SIRT3: variants seen among roughly 807,000 people sequenced by gnomAD.
SIRT3 encodes sirtuin 3.
Under a neutral mutation model 33.5 loss-of-function variants are expected in SIRT3, and 26 were observed. The observed-to-expected ratio is 0.78, with a 90% CI of 0.57 to 1.08. SIRT3 has a LOEUF of 1.08. Among genes scored for constraint, SIRT3 ranks in the 50% least tolerant of loss-of-function variants. The probability of loss-of-function intolerance (pLI) is 0.00; values close to 1 mark genes in which losing one functional copy is unlikely to be tolerated. For synonymous variants in SIRT3, 237 were observed against 222.1 expected (o/e 1.07, Z -0.60); for missense variants, 585 against 530.1 (o/e 1.10, Z -1.02).
Position 223,337 on chromosome 11 carries a change from C to T in SIRT3, c.969+741G>A. Reference sequence around the variant, plus strand: ...CTCACCAGCAAGTGCCCTGACCTTACAGACCAAGCCAGACGCCTCCTTCTC... The same window carrying T: ...CTCACCAGCAAGTGCCCTGACCTTATAGACCAAGCCAGACGCCTCCTTCTC... On this transcript the variant is annotated intron_variant, in intron 5 of 6. Transcript: ENST00000382743. The surrounding 1 kb of genome is among the most constrained non-coding windows in gnomAD (Gnocchi z 4.8). 5.0e-6 allele frequency: 1 copy of T among 200,446 alleles called. No individual in the cohort carries two copies. Among genetic ancestry groups the T allele is most frequent in the Non-Finnish European group, 1.0e-5 (1 of 96,618 alleles). 12.4% of individuals were successfully genotyped at this position (200,446 alleles called of 1,614,324 possible).
chr11:218,565 C>T (rs1290172717), intron 6 of SIRT3, among the ~76,000 whole-genome samples: 3 of 152,168 alleles, frequency 2.0e-5, no homozygotes, highest in Non-Finnish European at 4.4e-5. Flanking sequence ...AAGGTAACGC[C>T]TATAGTCTGT....
In SIRT3 at chr11:233,189, T is replaced by C. The variant is rs201651346; in HGVS notation, c.500A>G (p.Asn167Ser). The change falls in exon 3 of 7, where the codon AAC (asparagine) becomes AGC (serine). Residue 167 changes from asparagine to serine, a missense_variant. Coordinates refer to ENST00000382743, the MANE Select transcript of SIRT3 (RefSeq NM_012239.6). ...FRSPGSGLYS[N>S]LQQYDLPYPE... ...GTACGGGAGATCGTACTGCTGGAGG[T>C]TGCTGTACAGGCCACTCCCCGGCGA... The C allele has an allele frequency of 4.0e-5, 65 of 1,613,680 alleles. No homozygotes were observed. In the African/African-American group the frequency reaches 5.3e-4, roughly 13 times the overall value.
rs1859032976 is a variant in SIRT3, at chr11:236,086, C to T, written c.243G>A (p.Arg81=). The T allele has an allele frequency of 6.4e-7, 1 of 1,556,654 alleles. No individual in the cohort carries two copies. Among genetic ancestry groups the T allele is most frequent in the Non-Finnish European group, 8.7e-7 (1 of 1,151,702 alleles). ...AACTGGGAGCTGCTGCCCTCGGCTG[C>T]CTCCGGAATGCCCTGGGCACCTCGG... The part of the protein sequence containing the change: ...PRPEVPRAFR[R]QPRAAAPSFF... The change falls in exon 1 of 7, where the codon AGG becomes AGA. Residue 81 remains arginine, a synonymous_variant. Coordinates refer to ENST00000382743, the MANE Select transcript of SIRT3 (RefSeq NM_012239.6).
At position 223,523 on chromosome 11, in the gene SIRT3, G is replaced by A. The variant is rs79622976; in HGVS notation, c.969+555C>T. On this transcript the variant is annotated intron_variant, in intron 5 of 6. Coordinates refer to ENST00000382743, the MANE Select transcript of SIRT3 (RefSeq NM_012239.6). This position sits in a 1 kb window ranked among gnomAD's most constrained non-coding sequence, Gnocchi z 4.8. ...ACCCCAAGGGTGCAGCTACGTCCCCGGGCCAGTCCCTGTGGATTTATCACT... is the reference window on the plus strand; with the variant it reads ...ACCCCAAGGGTGCAGCTACGTCCCCAGGCCAGTCCCTGTGGATTTATCACT... 2.4e-3 allele frequency: 810 copies of A among 343,892 alleles called. 8 individuals carry two copies. Among genetic ancestry groups the A allele is most frequent in the African/African-American group, 0.016 (754 of 46,580 alleles). 21.3% of individuals were successfully genotyped at this position (343,892 alleles called of 1,614,324 possible).
intron 3 of SIRT3, among the ~76,000 whole-genome samples, chr11:232,253 G>A (rs2133929776): frequency 6.6e-6 from 1 of 152,130 alleles, no homozygotes; most frequent in East Asian, 1.9e-4. Flanking sequence ...GAGTACCTGG[G>A]ATTACAGGCA....
rs1405061216 is a variant in SIRT3, at chr11:236,081, G to T, written c.248C>A (p.Pro83Gln). 1.3e-6 allele frequency: 2 copies of T among 1,549,740 alleles called. No individual in the cohort carries two copies. The highest frequency in any genetic ancestry group is 2.8e-5 in the African/African-American group (2 of 71,886). Residue 83 changes from proline to glutamine, a missense_variant, in exon 1 of 7, where the codon CCG becomes CAG. Transcript: ENST00000382743. ...GAAGAAACTGGGAGCTGCTGCCCTC[G>T]GCTGCCTCCGGAATGCCCTGGGCAC... ...PEVPRAFRRQ[P>Q]RAAAPSFFFS...
chr11:216,671 A>G lies in SIRT3; in HGVS notation c.*27T>C, dbSNP rs369267161. 4.3e-6 allele frequency: 7 copies of G among 1,613,704 alleles called. No individual in the cohort carries two copies. Among genetic ancestry groups the G allele is most frequent in the Non-Finnish European group, 1.7e-6 (2 of 1,179,736 alleles). On this transcript the variant is annotated 3_prime_UTR_variant, in exon 7 of 7. Transcript: ENST00000382743. ...GGATGTGGATGTCTCCTATGTTACC[A>G]TTTATTGTGTGGGGGCAGCCATCAT...
intron 4 of SIRT3, 120 bp from the exon 5 acceptor site, chr11:224,359 A>T (rs1347639020): frequency 2.3e-5 from 23 of 1,014,738 alleles, no homozygotes; most frequent in Non-Finnish European, 3.2e-5. Context: ...GAGAGGGATC[A>T]TGAACCCCCA....
At position 233,193 on chromosome 11, in the gene SIRT3, T is replaced by A. The variant is rs1858339575; in HGVS notation, c.496A>T (p.Ser166Cys). Reference sequence around the variant, plus strand: ...GGGAGATCGTACTGCTGGAGGTTGCTGTACAGGCCACTCCCCGGCGATCTG... The same window carrying A: ...GGGAGATCGTACTGCTGGAGGTTGCAGTACAGGCCACTCCCCGGCGATCTG... ...DFRSPGSGLY[S>C]NLQQYDLPYP... The change falls in exon 3 of 7, where the codon AGC (serine) becomes TGC (cysteine). Residue 166 changes from serine to cysteine, a missense_variant. By Grantham distance (112) the Ser-to-Cys change is moderately radical. Transcript: ENST00000382743. 1 of 1,613,910 alleles carries A rather than the reference T, an allele frequency of 6.2e-7. No individual in the cohort carries two copies. The highest frequency in any genetic ancestry group is 1.3e-5 in the African/African-American group (1 of 74,966).
chr11:228,869 G>A (rs867745102), intron 4 of SIRT3, among the ~76,000 whole-genome samples: 1 of 152,058 alleles, frequency 6.6e-6, no homozygotes, highest in Non-Finnish European at 1.5e-5. Flanking sequence ...ATATATAAAG[G>A]ACTCTCTTAA....
chr11:219,181 A>C, intron 5 of SIRT3, 140 bp from the exon 6 acceptor site: 15 of 1,070,696 alleles, frequency 1.4e-5, no homozygotes, highest in South Asian at 3.3e-5. Flanking sequence ...CCCACCACCA[A>C]TCTCATTTCT....
At chr11:235,229 A>ACT (rs1858814700) in intron 1 of SIRT3, among the ~76,000 whole-genome samples, 1 of 151,544 alleles carries the variant, frequency 6.6e-6, no homozygotes, top group Non-Finnish European at 1.5e-5. Flanking sequence ...CAGGTAGATA[A>ACT]GAGTCTTGCT....
At chr11:230,402 T>C in intron 4 of SIRT3, 50 bp downstream of exon 4, 1 of 1,121,884 alleles carries the variant, frequency 8.9e-7, no homozygotes. Context: ...CTTTTCCAGA[T>C]CACCCCAACA....
rs1362289494 is a variant in SIRT3 at position 236,149 on chromosome 11, G to A, written c.180C>T (p.Pro60=). 1.3e-6 allele frequency: 2 copies of A among 1,571,500 alleles called. No individual in the cohort carries two copies. Among genetic ancestry groups the A allele is most frequent in the African/African-American group, 1.4e-5 (1 of 73,722 alleles). ...LRGSHGARGE[P]LDPARPLQRP... The stretch of plus-strand genomic sequence containing the variant: ...TCTGCAAGGGGCGCGCCGGGTCCAA[G>A]GGCTCACCGCGGGCCCCATGGCTGC... Residue 60 remains proline, a synonymous_variant, in exon 1 of 7, where the codon CCC becomes CCT. Coordinates refer to ENST00000382743, the MANE Select transcript of SIRT3 (RefSeq NM_012239.6).
intron 6 of SIRT3, 32 bp downstream of exon 6, chr11:218,800 C>A: frequency 1.9e-6 from 3 of 1,614,052 alleles, no homozygotes; most frequent in Non-Finnish European, 1.7e-6. Context: ...AGAAGGGCAG[C>A]CCCTTGGATG....
chr11:236,105 A>G lies in SIRT3; in HGVS notation c.224T>C (p.Val75Ala). Reference sequence around the variant, plus strand: ...CGGCTGCCTCCGGAATGCCCTGGGCACCTCGGGTCTGGGAGGCCTCTGCAA... The same window carrying G: ...CGGCTGCCTCCGGAATGCCCTGGGCGCCTCGGGTCTGGGAGGCCTCTGCAA... ...RPLQRPPRPEVPRAFRRQPRA... is the reference protein window; with the variant it reads ...RPLQRPPRPEAPRAFRRQPRA... The change falls in exon 1 of 7, where the codon GTG (valine) becomes GCG (alanine). Residue 75 changes from valine to alanine, a missense_variant. Transcript: ENST00000382743. 1 of 1,578,774 alleles carries G rather than the reference A, an allele frequency of 6.3e-7. No individual in the cohort carries two copies. The highest frequency in any genetic ancestry group is 8.6e-7 in the Non-Finnish European group (1 of 1,163,364).
intron 4 of SIRT3, among the ~76,000 whole-genome samples, chr11:226,875 T>TC (rs1174870521): frequency 3.0e-4 from 45 of 151,030 alleles, no homozygotes; most frequent in African/African-American, 1.1e-3. Context: ...TGCCTCAGCC[T>TC]CCCGAGTATC....
At chr11:229,935 C>G (rs1234124457) in intron 4 of SIRT3, among the ~76,000 whole-genome samples, 1 of 152,204 alleles carries the variant, frequency 6.6e-6, no homozygotes, top group African/African-American at 2.4e-5. Flanking sequence ...CATGTACAAA[C>G]AAACCAACTG....
upstream of SIRT3, chr11:236,370 C>CCAGCGCCCCGCCCG (rs1554894213): frequency 7.4e-5 from 87 of 1,175,022 alleles, no homozygotes; most frequent in Middle Eastern, 3.2e-4. Context: ...CGCCCCGCCC[C>CCAGCGCCCCGCCCG]CGGCGCCCCG....
Sources: allele counts gnomAD v4.1 joint callset (sites outside exome capture counted in the v4.1 genomes callset), GRCh38; gene constraint gnomAD v4.1.1; non-coding constraint Gnocchi (gnomAD v3.1); transcripts MANE v1.5; gene names NCBI Gene and HGNC (gene_info 2026-07-23, HGNC 2026-07-21).